Variants in CILK1 observed in about 807,000 individuals in gnomAD.
The protein encoded by CILK1 is serine/threonine-protein kinase ICK.
CILK1 carries 47 observed loss-of-function variants against 79.2 expected under a neutral mutation model. The ratio of observed to expected loss-of-function variants is 0.59; its 90% CI spans 0.47 to 0.76. The LOEUF is 0.76. Ranked by LOEUF, CILK1 falls within the 30% of genes least tolerant of loss-of-function variation. The probability of loss-of-function intolerance (pLI) is 0.00; values close to 1 mark genes in which losing one functional copy is unlikely to be tolerated. For missense variants in CILK1, 660 were observed against 769.5 expected (o/e 0.86, Z 1.68); for synonymous variants, 266 against 275.9 (o/e 0.96, Z 0.36).
At chr6:53,035,958 G>A (rs531222924) in intron 3 of CILK1, among the ~76,000 whole-genome samples, 5 of 151,938 alleles carry the variant, frequency 3.3e-5, no homozygotes, top group East Asian at 1.9e-4. Context: ...CAACAAGCGC[G>A]TGGGTGTGGG....
chr6:53,022,756 C>T (rs1159460179), intron 5 of CILK1, among the ~76,000 whole-genome samples: 1 of 152,106 alleles, frequency 6.6e-6, no homozygotes, highest in African/African-American at 2.4e-5. Context: ...TGGTAGCCTT[C>T]ATTCATTCAT....
In CILK1 at chr6:53,023,518, T is replaced by C. The variant is rs1040381423; in HGVS notation, c.359-4159A>G. ...GAACTGAGAGAGAACAATGACCCAG[T>C]AGTGCAGGGGACAATGAGGGCTCAG... On this transcript the variant is annotated intron_variant, in intron 5 of 13. Coordinates refer to ENST00000676107, the MANE Select transcript of CILK1 (RefSeq NM_014920.5). Among the ~76,000 whole-genome samples, 3 of 152,100 alleles carry C rather than the reference T, an allele frequency of 2.0e-5. No homozygotes were observed. In the East Asian group the frequency reaches 5.8e-4, roughly 29 times the overall value.
chr6:53,019,303 CA>C lies in CILK1; in HGVS notation c.414del (p.Val139Ter). The C allele has an allele frequency of 6.2e-7, 1 of 1,614,052 alleles. No homozygotes were observed. The highest frequency in any genetic ancestry group is 1.6e-4 in the Middle Eastern group (1 of 6,062). On this transcript the variant is annotated frameshift_variant, in exon 6 of 14. Transcript: ENST00000676107. LOFTEE classifies it high-confidence loss of function. ...GCCAAACCAAAGTCTGCAATTTTCA[CA>C]AGTTCTGGTCCCATGCAGAGGAGGT... ...PENLLCMGPELVKIADFGLAR... is the reference protein window; with the variant it reads ...PENLLCMGPEXVKIADFGLAR...
chr6:53,059,368 C>T (rs1316943942), intron 1 of CILK1, among the ~76,000 whole-genome samples: 1 of 152,236 alleles, frequency 6.6e-6, no homozygotes, highest in Non-Finnish European at 1.5e-5. Flanking sequence ...CCATGCATAA[C>T]ATATGGCTCC....
rs1210307080 is a variant in CILK1 at position 53,004,041 on chromosome 6, G to C, written c.*1108C>G. On this transcript the variant is annotated 3_prime_UTR_variant, in exon 14 of 14. Coordinates refer to ENST00000676107, the MANE Select transcript of CILK1 (RefSeq NM_014920.5). ...ACAAATAAAGTTCTCACTCTTGAAAGAAACTACACCAGGGTTAGGAGATCA... is the reference window on the plus strand; with the variant it reads ...ACAAATAAAGTTCTCACTCTTGAAACAAACTACACCAGGGTTAGGAGATCA... 6.6e-6 allele frequency: 1 copy of C among 152,640 alleles called. No individual in the cohort carries two copies. The highest frequency in any genetic ancestry group is 1.5e-5 in the Non-Finnish European group (1 of 68,038). The allele number at this position is 152,640 out of a possible 1,614,324, so 9.5% of individuals were successfully genotyped here. A position where few individuals can be genotyped will look rare whatever the true frequency, so the allele number is the denominator to read the frequency against.
intron 13 of CILK1, 49 bp from the exon 14 acceptor site, chr6:53,005,352 G>T: frequency 6.3e-7 from 1 of 1,599,748 alleles, no homozygotes; most frequent in South Asian, 1.1e-5. Flanking sequence ...GCCAATGTAA[G>T]CAAAGTACAA....
chr6:53,041,246 G>T lies in CILK1; in HGVS notation c.-10C>A. The T allele has an allele frequency of 6.3e-7, 1 of 1,599,198 alleles. No homozygotes were observed. The highest frequency in any genetic ancestry group is 1.3e-5 in the African/African-American group (1 of 74,710). ...TTGTGTATCTATTCATGGTGTGCCT[G>T]CTCAGGCCGGACACTCATCTCACGG... On this transcript the variant is annotated 5_prime_UTR_variant, in exon 2 of 14. Transcript: ENST00000676107.
intron 8 of CILK1, among the ~76,000 whole-genome samples, chr6:53,014,382 T>C (rs902625783): frequency 6.6e-6 from 1 of 152,134 alleles, no homozygotes; most frequent in East Asian, 1.9e-4. Context: ...AACATAATGA[T>C]CCTGGAAGAC....
In CILK1 at chr6:53,013,946, G is replaced by C; in HGVS notation, c.868C>G (p.Leu290Val). The change falls in exon 9 of 14, where the codon CTA (leucine) becomes GTA (valine). Residue 290 changes from leucine to valine, a missense_variant. Transcript: ENST00000676107. ...RYPYFQVGHP[L>V]GSTTQNLQDS... ...TGAAGGTTTTGTGTGGTGCTGCCTAGTGGGTGTCCAACTTGGAAGTAAGGA... is the reference window on the plus strand; with the variant it reads ...TGAAGGTTTTGTGTGGTGCTGCCTACTGGGTGTCCAACTTGGAAGTAAGGA... 6.2e-7 allele frequency: 1 copy of C among 1,614,092 alleles called. No individual in the cohort carries two copies. Among genetic ancestry groups the C allele is most frequent in the Non-Finnish European group, 8.5e-7 (1 of 1,180,010 alleles).
intron 1 of CILK1, among the ~76,000 whole-genome samples, chr6:53,050,312 G>T (rs2127463744): frequency 6.6e-6 from 1 of 151,848 alleles, no homozygotes; most frequent in African/African-American, 2.4e-5. Context: ...ACTCCATTGA[G>T]ACCTCACTCC....
chr6:53,057,779 A>G (rs1768024566), intron 1 of CILK1: 1 of 152,178 alleles, frequency 6.6e-6, no homozygotes, highest in South Asian at 2.1e-4. Flanking sequence ...TCCAACTAAG[A>G]AGAACAGAAT....
Position 53,013,643 on chromosome 6 carries a change from G to A in CILK1, c.1152+19C>T, listed in dbSNP as rs1319347651. 1.2e-6 allele frequency: 2 copies of A among 1,610,970 alleles called. No homozygotes were observed. The highest frequency in any genetic ancestry group is 1.7e-6 in the Non-Finnish European group (2 of 1,177,256). On this transcript the variant is annotated intron_variant, in intron 9 of 13. Transcript: ENST00000676107. ...GAATAAACAGACACGAAGCTCACTG[G>A]TGAATCTGGGCTGCTCACCGACTGT...
intron 1 of CILK1, among the ~76,000 whole-genome samples, chr6:53,050,514 T>C (rs544317008): frequency 6.6e-6 from 1 of 151,400 alleles, no homozygotes; most frequent in Admixed American, 6.6e-5. Context: ...TATGTAAATA[T>C]GTGACATATT....
At chr6:53,049,159 A>C (rs925913552) in intron 1 of CILK1, among the ~76,000 whole-genome samples, 2 of 152,196 alleles carry the variant, frequency 1.3e-5, no homozygotes, top group Non-Finnish European at 2.9e-5. Context: ...TCTACAACCT[A>C]ATTGAAGGTC....
At chr6:53,006,692 T>A (rs1764242288) in intron 12 of CILK1, among the ~76,000 whole-genome samples, 1 of 152,118 alleles carries the variant, frequency 6.6e-6, no homozygotes, top group African/African-American at 2.4e-5. Flanking sequence ...GAAATTTTTT[T>A]AAAAAAGGGA....
At position 53,013,701 on chromosome 6, in the gene CILK1, C is replaced by T. The variant is rs768759468; in HGVS notation, c.1113G>A (p.Pro371=). ...TGTTGTGGAGGGATGGGAAAAGCAA[C>T]GGGCTTGGCTTGTCCTCCTGGAGAT... ...PSHLQEDKPS[P]LLFPSLHNKH... Residue 371 remains proline, a synonymous_variant, in exon 9 of 14, where the codon CCG becomes CCA. Transcript: ENST00000676107. The T allele has an allele frequency of 1.5e-5, 23 of 1,584,088 alleles. 1 individual carries two copies. Among genetic ancestry groups the T allele is most frequent in the South Asian group, 7.8e-5 (7 of 90,204 alleles).
intron 1 of CILK1, among the ~76,000 whole-genome samples, chr6:53,056,759 G>A (rs957572011): frequency 6.6e-6 from 1 of 152,186 alleles, no homozygotes; most frequent in Non-Finnish European, 1.5e-5. Context: ...CATGTTCAAT[G>A]AATTAACTAA....
At chr6:53,012,885 A>C (rs933538743) in intron 9 of CILK1, among the ~76,000 whole-genome samples, 1 of 152,180 alleles carries the variant, frequency 6.6e-6, no homozygotes, top group African/African-American at 2.4e-5. Flanking sequence ...AAAGCTAATA[A>C]AAAATAGAAC....
intron 5 of CILK1, among the ~76,000 whole-genome samples, chr6:53,030,463 C>T (rs778676305): frequency 2.0e-5 from 3 of 152,180 alleles, no homozygotes; most frequent in Non-Finnish European, 4.4e-5. Flanking sequence ...TCACATTTTG[C>T]ATGGTCTGAC....
Sources: gnomAD v4.1 joint callset for allele counts (sites outside exome capture counted in the v4.1 genomes callset) on GRCh38, gnomAD v4.1.1 for gene constraint, MANE v1.5 for transcripts, NCBI Gene and HGNC (gene_info 2026-07-23, HGNC 2026-07-21) for gene names.